Variants in LILRB4 observed in about 807,000 individuals in gnomAD.
LILRB4 encodes the protein leukocyte immunoglobulin-like receptor subfamily B member 4.
In LILRB4, 49 loss-of-function variants were observed where a neutral mutation model predicts 55.2. That is an observed-to-expected ratio of 0.89 (90% CI 0.71 to 1.13). The LOEUF (loss-of-function observed/expected upper bound fraction) is 1.13. Among genes scored for constraint, LILRB4 ranks in the 50% most tolerant of loss-of-function variants. LILRB4 has a pLI of 0.00. For synonymous variants in LILRB4, 229 were observed against 213.8 expected (o/e 1.07, Z -0.62); for missense variants, 590 against 555.2 (o/e 1.06, Z -0.63).
At chr19:54,664,099 C>G in intron 3 of LILRB4, 61 bp downstream of exon 3, 1 of 1,601,336 alleles carries the variant, frequency 6.2e-7, no homozygotes, top group Non-Finnish European at 8.5e-7. Context: ...GGTCAGCTCT[C>G]AGGGGCATCT....
At position 54,665,741 on chromosome 19, in the gene LILRB4, A is replaced by C; in HGVS notation, c.758-74A>C. 6.6e-7 allele frequency: 1 copy of C among 1,513,792 alleles called. No homozygotes were observed. The highest frequency in any genetic ancestry group is 1.7e-4 in the Middle Eastern group (1 of 5,920). The allele number at this position is 1,513,792 out of a possible 1,614,324, so 93.8% of individuals were successfully genotyped here. On this transcript the variant is annotated intron_variant, in intron 6 of 11. Transcript: ENST00000430952. The surrounding 1 kb of genome is among the most constrained non-coding windows in gnomAD (Gnocchi z 5.5). ...AGGTAATGAAAGAAAGACCCAGCAC[A>C]CACAGTAGGTGCACACACAGTAGGT...
Position 54,664,946 on chromosome 19 carries a change from T to A in LILRB4, c.706+97T>A. 7.1e-7 allele frequency: 1 copy of A among 1,409,010 alleles called. No individual in the cohort carries two copies. Among genetic ancestry groups the A allele is most frequent in the Non-Finnish European group, 9.9e-7 (1 of 1,006,172 alleles). The allele number at this position is 1,409,010 out of a possible 1,614,324, so 87.3% of individuals were successfully genotyped here. On this transcript the variant is annotated intron_variant, in intron 5 of 11. Transcript: ENST00000430952. ...CTAAGTCCTCGTTCCAATTCTCAGC[T>A]GGGCTTGCTTCCACGGGTGTGGGAG...
In LILRB4 at chr19:54,666,405, C is replaced by T. The variant is rs2065265248; in HGVS notation, c.957C>T (p.Ser319=). The T allele has an allele frequency of 6.2e-7, 1 of 1,614,140 alleles. No individual in the cohort carries two copies. Among genetic ancestry groups the T allele is most frequent in the South Asian group, 1.1e-5 (1 of 91,088 alleles). ...CTCCCGTATCCTCCCCCAGGTCCAG[C>T]CCAGCTGCTGACGTCCAGGGAGAAA... Residue 319 remains serine (S), a synonymous_variant, in exon 9 of 12, where the codon AGC becomes AGT. Transcript: ENST00000430952. The surrounding 1 kb of genome is among the most constrained non-coding windows in gnomAD (Gnocchi z 4.8).
At position 54,666,524 on chromosome 19, in the gene LILRB4, A is replaced by G; in HGVS notation, c.988+88A>G. On this transcript the variant is annotated intron_variant, in intron 9 of 11. Coordinates refer to ENST00000430952, the Ensembl canonical transcript of LILRB4. This position sits in a 1 kb window ranked among gnomAD's most constrained non-coding sequence, Gnocchi z 4.8. ...AATGGGGGCAGGAGCACAGGCTAGG[A>G]TTGGTCAGGGACTCAGGGAGAAGTG... is the stretch of plus-strand genomic sequence containing the variant. 6.5e-7 allele frequency: 1 copy of G among 1,533,160 alleles called. No individual in the cohort carries two copies. Among genetic ancestry groups the G allele is most frequent in the Non-Finnish European group, 9.0e-7 (1 of 1,114,756 alleles). 95.0% of individuals were successfully genotyped at this position (1,533,160 alleles called of 1,614,324 possible). A position where few individuals can be genotyped will look rare whatever the true frequency, so the allele number is the denominator to read the frequency against.
At position 54,666,349 on chromosome 19, in the gene LILRB4, A is replaced by C. The variant is rs1320640493; in HGVS notation, c.950+34A>C. 9.9e-6 allele frequency: 16 copies of C among 1,610,832 alleles called. No homozygotes were observed. Among genetic ancestry groups the C allele is most frequent in the Non-Finnish European group, 1.4e-5 (16 of 1,178,290 alleles). On this transcript the variant is annotated intron_variant, in intron 8 of 11. Transcript: ENST00000430952. The surrounding 1 kb of genome is among the most constrained non-coding windows in gnomAD (Gnocchi z 4.8). ...GCCCAAAGACCTCAGACTCCCACCCATCCCAACAGCCACCTCACTGTCCCC... is the reference window on the plus strand; with the variant it reads ...GCCCAAAGACCTCAGACTCCCACCCCTCCCAACAGCCACCTCACTGTCCCC...
chr19:54,666,100 C>A lies in LILRB4; in HGVS notation c.875-140C>A. The A allele has an allele frequency of 1.6e-6, 2 of 1,233,110 alleles. No homozygotes were observed. The highest frequency in any genetic ancestry group is 1.5e-5 in the African/African-American group (1 of 65,956). 76.4% of individuals were successfully genotyped at this position (1,233,110 alleles called of 1,614,324 possible). On this transcript the variant is annotated intron_variant, in intron 7 of 11. Coordinates refer to ENST00000430952, the Ensembl canonical transcript of LILRB4. The surrounding 1 kb of genome is among the most constrained non-coding windows in gnomAD (Gnocchi z 4.8). The stretch of plus-strand genomic sequence containing the variant: ...GAGGGAGTAATGGAAGTGCTTTATT[C>A]TTTCGGTTTTTCTAAACTTAGAAAG...
Position 54,663,070 on chromosome 19 carries a change from G to T in LILRB4, c.34+3G>T. 1 of 1,612,020 alleles carries T rather than the reference G, an allele frequency of 6.2e-7. No individual in the cohort carries two copies. Among genetic ancestry groups the T allele is most frequent in the Non-Finnish European group, 8.5e-7 (1 of 1,178,848 alleles). ...CTTCACGGCTCTGCTCTGCCTCGGT[G>T]AGATTTAAAGAGGGGGAGGGGAGAC... On this transcript the variant is annotated splice_donor_region_variant and intron_variant, in intron 1 of 11. Coordinates refer to ENST00000430952, the Ensembl canonical transcript of LILRB4.
At position 54,665,156 on chromosome 19, in the gene LILRB4, C is replaced by T. The variant is rs776419151; in HGVS notation, c.733C>T (p.Pro245Ser). The stretch of plus-strand genomic sequence containing the variant: ...AGGCCCTGAGGACCAGCCCCTCATG[C>T]CTACAGGGTCAGTCCCCCACAGTGG... Residue 245 changes from proline (P) to serine (S), a missense_variant, in exon 6 of 12, where the codon CCT becomes TCT. Coordinates refer to ENST00000430952, the Ensembl canonical transcript of LILRB4. This position sits in a 1 kb window ranked among gnomAD's most constrained non-coding sequence, Gnocchi z 5.5. 1.2e-5 allele frequency: 20 copies of T among 1,604,908 alleles called. No individual in the cohort carries two copies. In the Admixed American group the frequency reaches 3.0e-4, roughly 24 times the overall value.
chr19:54,667,680 G>A (rs746123256), exon 11 of LILRB4: 16 of 1,611,048 alleles, frequency 9.9e-6, no homozygotes, highest in African/African-American at 1.3e-5. Context: ...GTATGCCAAG[G>A]TGAAACACTC....
rs531796500 is a variant in LILRB4, at chr19:54,666,930, G to T, written c.1041+181G>T. 268 of 764,076 alleles carry T rather than the reference G, an allele frequency of 3.5e-4. 1 individual carries two copies. The African/African-American group carries it at 4.1e-3, about 12-fold the overall frequency. 47.3% of individuals were successfully genotyped at this position (764,076 alleles called of 1,614,324 possible). A position where few individuals can be genotyped will look rare whatever the true frequency, so the allele number is the denominator to read the frequency against. On this transcript the variant is annotated intron_variant, in intron 10 of 11. Transcript: ENST00000430952. This position sits in a 1 kb window ranked among gnomAD's most constrained non-coding sequence, Gnocchi z 4.8. ...TCTCCTGCTGTCCTGGGACCTCATGGGCCTCCTCCCGGGTCCCCTTCCTGC... is the reference window on the plus strand; with the variant it reads ...TCTCCTGCTGTCCTGGGACCTCATGTGCCTCCTCCCGGGTCCCCTTCCTGC...
At chr19:54,664,540 T>A in intron 4 of LILRB4, 55 bp downstream of exon 4, 2 of 1,519,572 alleles carry the variant, frequency 1.3e-6, no homozygotes, top group Non-Finnish European at 1.8e-6. Flanking sequence ...CATGCCCTGC[T>A]GCCAGGAGAG....
chr19:54,664,298 C>A (rs752096525), exon 4 of LILRB4: 3 of 1,613,990 alleles, frequency 1.9e-6, no homozygotes, highest in Non-Finnish European at 2.5e-6. Flanking sequence ...TTCTTCTGAT[C>A]AAGGAGCGGG....
At chr19:54,663,209 G>A in intron 1 of LILRB4, 142 bp downstream of exon 1, 4 of 940,840 alleles carry the variant, frequency 4.3e-6, no homozygotes, top group Non-Finnish European at 1.6e-6. Flanking sequence ...CACTTTGGGA[G>A]GCCGAGGCGG....
exon 12 of LILRB4, chr19:54,668,022 CA>C (rs771549369): frequency 2.2e-5 from 35 of 1,613,940 alleles, no homozygotes; most frequent in Non-Finnish European, 3.0e-5. Flanking sequence ...TCCACTAATC[CA>C]GGGGGGACCC....
chr19:54,663,291 A>C (rs1599914823), intron 1 of LILRB4, among the ~76,000 whole-genome samples: 1 of 150,724 alleles, frequency 6.6e-6, no homozygotes, highest in East Asian at 1.9e-4. Context: ...CTAAAAATAC[A>C]AAAAATTAGC....
At position 54,664,001 on chromosome 19, in the gene LILRB4, G is replaced by A; in HGVS notation, c.318G>A (p.Trp106Ter). Reference sequence around the variant, plus strand: ...GTTACTATCGCAGCCCTGTAGGCTGGTCACAGCCCAGTGACCCCCTGGAGC... The same window carrying A: ...GTTACTATCGCAGCCCTGTAGGCTGATCACAGCCCAGTGACCCCCTGGAGC... The change falls in exon 3 of 12, where the codon TGG becomes TGA. Residue 106 changes from tryptophan to a stop codon, truncating the protein, a stop_gained. Transcript: ENST00000430952. LOFTEE classifies it high-confidence loss of function. The A allele has an allele frequency of 1.2e-6, 2 of 1,614,048 alleles. No homozygotes were observed. Among genetic ancestry groups the A allele is most frequent in the South Asian group, 1.1e-5 (1 of 91,084 alleles).
chr19:54,663,493 G>C (rs1045807843), intron 1 of LILRB4, 39 bp from the exon 2 acceptor site: 21 of 1,609,326 alleles, frequency 1.3e-5, no homozygotes, highest in Middle Eastern at 1.9e-4. Flanking sequence ...ACCTGCTCAG[G>C]CTTCCGGGGC....
Position 54,663,586 on chromosome 19 carries a change from G to C in LILRB4, c.70+19G>C, listed in dbSNP as rs183065555. Reference sequence around the variant, plus strand: ...CAGGCAGGTGAGTCTGTCCCCAGCTGTCCCAGGTCCCTCCTCCTCACTGGG... The same window carrying C: ...CAGGCAGGTGAGTCTGTCCCCAGCTCTCCCAGGTCCCTCCTCCTCACTGGG... On this transcript the variant is annotated intron_variant, in intron 2 of 11. Coordinates refer to ENST00000430952, the Ensembl canonical transcript of LILRB4. 3.0e-4 allele frequency: 479 copies of C among 1,613,148 alleles called. 1 individual carries two copies. In the African/African-American group the frequency reaches 5.5e-3, roughly 19 times the overall value.
At chr19:54,664,618 C>T in intron 4 of LILRB4, 133 bp downstream of exon 4, 2 of 1,080,340 alleles carry the variant, frequency 1.9e-6, no homozygotes, top group Non-Finnish European at 2.7e-6. Flanking sequence ...GGGAGGAGGA[C>T]AACAGGGGCC....
Sources: gnomAD v4.1 joint callset for allele counts (sites outside exome capture counted in the v4.1 genomes callset) on GRCh38, gnomAD v4.1.1 for gene constraint, Gnocchi (gnomAD v3.1) non-coding constraint, MANE v1.5 for transcripts, NCBI Gene and HGNC (gene_info 2026-07-23, HGNC 2026-07-21) for gene names.